CRHR1: variants seen among roughly 807,000 people sequenced by gnomAD.
The protein encoded by CRHR1 is corticotropin-releasing hormone receptor 1.
A neutral mutation model predicts 56.0 loss-of-function variants in CRHR1; 28 were observed. The observed-to-expected ratio is 0.50, with a 90% CI of 0.37 to 0.69. The LOEUF is 0.69. Ranked by LOEUF, CRHR1 falls within the 30% of genes least tolerant of loss-of-function variation. The pLI is 0.00. For missense variants in CRHR1, 376 were observed against 548.0 expected (o/e 0.69, Z 3.13); for synonymous variants, 195 against 216.5 (o/e 0.90, Z 0.87).
chr17:45,823,451 A>G (rs112137135), intron 4 of CRHR1, among the ~76,000 whole-genome samples: 20,485 of 125,820 alleles, frequency 0.16, 2,029 homozygotes, highest in Middle Eastern at 0.29. Flanking sequence ...CTCTGTCGCC[A>G]GGCTGGAGTG....
At position 45,834,052 on chromosome 17, in the gene CRHR1, A is replaced by G. The variant is rs368391429; in HGVS notation, c.1107+4A>G. The G allele has an allele frequency of 4.3e-6, 7 of 1,613,092 alleles. No homozygotes were observed. Among genetic ancestry groups the G allele is most frequent in the Non-Finnish European group, 5.9e-6 (7 of 1,179,162 alleles). On this transcript the variant is annotated splice_donor_region_variant and intron_variant, in intron 12 of 12. Coordinates refer to ENST00000314537, the MANE Select transcript of CRHR1 (RefSeq NM_004382.5). ...CTACTGTTTCCTCAATAGTGAGGTG[A>G]GGACCCGGGGGCCCTGCAGCGGGGT... is the stretch of plus-strand genomic sequence containing the variant.
At chr17:45,796,172 C>T (rs1171786255) in intron 1 of CRHR1, among the ~76,000 whole-genome samples, 2 of 152,206 alleles carry the variant, frequency 1.3e-5, no homozygotes, top group Non-Finnish European at 1.5e-5. Flanking sequence ...GTGTCACCTG[C>T]GTAGCTGGTG....
chr17:45,833,029 A>G (rs775590776), intron 8 of CRHR1, 109 bp from the exon 9 acceptor site: 2 of 938,028 alleles, frequency 2.1e-6, no homozygotes, highest in Non-Finnish European at 1.7e-6. Flanking sequence ...TGGGACATCT[A>G]CCTCTTGGCC....
intron 1 of CRHR1, among the ~76,000 whole-genome samples, chr17:45,802,273 G>A (rs1279977112): frequency 2.0e-5 from 3 of 152,088 alleles, no homozygotes; most frequent in African/African-American, 7.2e-5. Context: ...TGGAGTGAGC[G>A]GAGGTCGCAC....
chr17:45,797,117 G>C (rs915621316), intron 1 of CRHR1, among the ~76,000 whole-genome samples: 1 of 152,058 alleles, frequency 6.6e-6, no homozygotes, highest in Non-Finnish European at 1.5e-5. Flanking sequence ...AGTGGAGCTG[G>C]AAAGTGGGGT....
chr17:45,830,592 G>A (rs769712683), intron 7 of CRHR1, 22 bp downstream of exon 7: 13 of 1,585,606 alleles, frequency 8.2e-6, no homozygotes, highest in Middle Eastern at 1.7e-4. Context: ...AGCCACCTCC[G>A]CAGCCTGGGC....
chr17:45,793,572 G>A (rs1377193146), intron 1 of CRHR1, among the ~76,000 whole-genome samples: 1 of 152,204 alleles, frequency 6.6e-6, no homozygotes, highest in Non-Finnish European at 1.5e-5. Flanking sequence ...CCGTCCGTTG[G>A]CATCCCACCC....
In CRHR1 at chr17:45,835,087, G is replaced by T. The variant is rs2062410312; in HGVS notation, c.*323G>T. The T allele has an allele frequency of 8.4e-6, 3 of 357,434 alleles. No individual in the cohort carries two copies. Among genetic ancestry groups the T allele is most frequent in the South Asian group, 6.7e-5 (1 of 14,870 alleles). The allele number at this position is 357,434 out of a possible 1,614,324, so 22.1% of individuals were successfully genotyped here. ...GCAGCACGCATGTCCCTCCAAGGCTGTCTTCTCCCAGAGCACAAGAAGGCC... is the reference window on the plus strand; with the variant it reads ...GCAGCACGCATGTCCCTCCAAGGCTTTCTTCTCCCAGAGCACAAGAAGGCC... On this transcript the variant is annotated 3_prime_UTR_variant, in exon 13 of 13. Transcript: ENST00000314537.
chr17:45,794,789 G>C (rs1568032078), intron 1 of CRHR1, among the ~76,000 whole-genome samples: 1 of 152,184 alleles, frequency 6.6e-6, no homozygotes, highest in African/African-American at 2.4e-5. Flanking sequence ...GCCCCATGCT[G>C]TTCTACCCCT....
rs191173005 is a variant in CRHR1, at chr17:45,790,350, T to C, written c.33+5773T>C. ...GTATGTGGTATCCGCTTCCACAAAA[T>C]TGAATGGATGGCAGGAAGGGAGGGA... On this transcript the variant is annotated intron_variant, in intron 1 of 12. Coordinates refer to ENST00000314537, the MANE Select transcript of CRHR1 (RefSeq NM_004382.5). Among the ~76,000 whole-genome samples the C allele has an allele frequency of 3.9e-5, 6 of 152,260 alleles. No individual in the cohort carries two copies. The East Asian group carries it at 1.2e-3, about 29-fold the overall frequency.
intron 1 of CRHR1, among the ~76,000 whole-genome samples, chr17:45,796,334 C>CT (rs796884445): frequency 3.2e-4 from 48 of 152,226 alleles, no homozygotes; most frequent in African/African-American, 1.1e-3. Context: ...GAGAGCCAAA[C>CT]AGAGCCCTTC....
chr17:45,818,049 G>A (rs771881428), intron 3 of CRHR1, among the ~76,000 whole-genome samples: 7 of 152,194 alleles, frequency 4.6e-5, no homozygotes, highest in Non-Finnish European at 1.0e-4. Flanking sequence ...CCCTAGGAAG[G>A]AGGCAGCATC....
chr17:45,809,603 C>T (rs887419393), intron 2 of CRHR1, among the ~76,000 whole-genome samples: 15 of 152,262 alleles, frequency 9.9e-5, no homozygotes, highest in South Asian at 2.1e-4. Flanking sequence ...CCACGATGGC[C>T]TCTGATAATG....
chr17:45,802,381 A>C (rs1171833665), intron 1 of CRHR1, among the ~76,000 whole-genome samples: 1 of 152,220 alleles, frequency 6.6e-6, no homozygotes, highest in Non-Finnish European at 1.5e-5. Context: ...ACATCCTTGA[A>C]ACTTTGGGGG....
chr17:45,793,258 G>A lies in CRHR1; in HGVS notation c.33+8681G>A, dbSNP rs910539454. On this transcript the variant is annotated intron_variant, in intron 1 of 12. Coordinates refer to ENST00000314537, the MANE Select transcript of CRHR1 (RefSeq NM_004382.5). Reference sequence around the variant, plus strand: ...CCATAGCACTGGGGGCGTTGTCCACGTGCACGCAAGGGCAGCATGTTGCTT... The same window carrying A: ...CCATAGCACTGGGGGCGTTGTCCACATGCACGCAAGGGCAGCATGTTGCTT... Among the ~76,000 whole-genome samples the A allele has an allele frequency of 2.6e-5, 4 of 152,284 alleles. No individual in the cohort carries two copies. The South Asian group carries it at 6.2e-4, about 24-fold the overall frequency.
intron 1 of CRHR1, among the ~76,000 whole-genome samples, chr17:45,785,577 A>T (rs1351272163): frequency 6.6e-6 from 1 of 152,194 alleles, no homozygotes; most frequent in East Asian, 1.9e-4. Context: ...AGCCACAAAC[A>T]TAGACACCAG....
At chr17:45,833,693 T>TGGGGGGGGGGGCGCC in intron 10 of CRHR1, 21 bp from the exon 11 acceptor site, 2 of 1,571,616 alleles carry the variant, frequency 1.3e-6, no homozygotes, top group Non-Finnish European at 1.7e-6. Flanking sequence ...ACTCCGAGCC[T>TGGGGGGGGGGGCGCC]CCCCACCCGC....
rs572450998 is a variant in CRHR1, at chr17:45,790,863, G to T, written c.33+6286G>T. On this transcript the variant is annotated intron_variant, in intron 1 of 12. Transcript: ENST00000314537. ...AAGAGGTAGTGGGGGCTATCAGGAA[G>T]CACAGTGAGAATCTTAGTTGAACCT... Among the ~76,000 whole-genome samples, 46 of 152,336 alleles carry T rather than the reference G, an allele frequency of 3.0e-4. 1 individual carries two copies. The South Asian group carries it at 9.5e-3, about 32-fold the overall frequency.
chr17:45,785,068 G>A (rs1175319569), intron 1 of CRHR1, among the ~76,000 whole-genome samples: 2 of 152,158 alleles, frequency 1.3e-5, no homozygotes, highest in Admixed American at 6.5e-5. Context: ...CTGCGAGTCC[G>A]GAGAGATGAA....
Sources: allele counts gnomAD v4.1 joint callset (sites outside exome capture counted in the v4.1 genomes callset), GRCh38; gene constraint gnomAD v4.1.1; transcripts MANE v1.5; gene names NCBI Gene and HGNC (gene_info 2026-07-23, HGNC 2026-07-21).